LINGO2: variants seen among roughly 807,000 people sequenced by gnomAD.
The protein encoded by LINGO2 is leucine rich repeat and Ig domain containing 2.
Under a neutral mutation model 30.6 loss-of-function variants are expected in LINGO2, and 14 were observed. The ratio of observed to expected loss-of-function variants is 0.46; its 90% CI spans 0.30 to 0.72. The LOEUF (loss-of-function observed/expected upper bound fraction) is 0.72, where lower values mean the gene tolerates loss of function less well. Ranked by LOEUF, LINGO2 falls within the 30% of genes least tolerant of loss-of-function variation. The pLI, the probability that LINGO2 is intolerant of heterozygous loss-of-function variation, is 0.07. For missense variants in LINGO2, 729 were observed against 751.7 expected (o/e 0.97, Z 0.35); for synonymous variants, 317 against 288.5 (o/e 1.10, Z -1.00).
At chr9:29,112,221 T>TG in the LINGO2 span, among the ~76,000 whole-genome samples, 35,658 of 151,872 alleles carry the variant, frequency 0.23, 4,314 homozygotes, top group East Asian at 0.4. Flanking sequence ...TCAGAGCAAT[T>TG]AAGAAGCTTG....
the LINGO2 span, among the ~76,000 whole-genome samples, chr9:28,886,037 A>G: frequency 1.3e-5 from 2 of 152,218 alleles, no homozygotes; most frequent in Non-Finnish European, 2.9e-5. Flanking sequence ...TATGGTGGGC[A>G]AATAAAAAAC....
intron 4 of LINGO2, among the ~76,000 whole-genome samples, chr9:28,259,170 C>G (rs949703304): frequency 6.6e-6 from 1 of 151,886 alleles, no homozygotes; most frequent in Non-Finnish European, 1.5e-5. Flanking sequence ...ACACCAGAGT[C>G]CTGACTCAGT....
intron 2 of LINGO2, among the ~76,000 whole-genome samples, chr9:28,389,351 T>C (rs879389546): frequency 6.6e-6 from 1 of 152,174 alleles, no homozygotes. Context: ...TCTTCAAATA[T>C]TATTACTTTA....
the LINGO2 span, among the ~76,000 whole-genome samples, chr9:28,933,874 G>A: frequency 1.3e-5 from 2 of 152,046 alleles, no homozygotes; most frequent in Admixed American, 1.3e-4. Context: ...AAAAACTTTT[G>A]GCTTTCTTTA....
chr9:28,761,578 T>C, the LINGO2 span, among the ~76,000 whole-genome samples: 9 of 151,896 alleles, frequency 5.9e-5, no homozygotes, highest in African/African-American at 2.2e-4. Context: ...CATCTTTTGA[T>C]AGTCTGAAGA....
the LINGO2 span, among the ~76,000 whole-genome samples, chr9:28,803,866 A>G: frequency 2.6e-5 from 4 of 152,094 alleles, no homozygotes; most frequent in Non-Finnish European, 5.9e-5. Flanking sequence ...TCATGATGCT[A>G]CCTTTAAATA....
chr9:27,939,505 A>C, the LINGO2 span: 1 of 152,236 alleles, frequency 6.6e-6, no homozygotes, highest in African/African-American at 2.4e-5. Context: ...AAGGTGGTGG[A>C]GGTGACTTGG....
chr9:29,119,076 G>C, the LINGO2 span, among the ~76,000 whole-genome samples: 2 of 152,112 alleles, frequency 1.3e-5, no homozygotes, highest in Non-Finnish European at 2.9e-5. Flanking sequence ...GAAGCAACCT[G>C]TGACCTAGTA....
the LINGO2 span, among the ~76,000 whole-genome samples, chr9:28,730,234 T>C: frequency 6.6e-6 from 1 of 151,976 alleles, no homozygotes; most frequent in Non-Finnish European, 1.5e-5. Context: ...CAAGGATGAC[T>C]AGGAAAAGAG....
chr9:28,145,681 T>C (rs1243243918), intron 4 of LINGO2, among the ~76,000 whole-genome samples: 29 of 151,814 alleles, frequency 1.9e-4, no homozygotes, highest in Admixed American at 1.9e-3. Flanking sequence ...TCCTTCTCCC[T>C]CTCTCTCTCA....
At chr9:28,601,078 C>A (rs982382578) in intron 1 of LINGO2, among the ~76,000 whole-genome samples, 5 of 152,044 alleles carry the variant, frequency 3.3e-5, no homozygotes, top group African/African-American at 1.2e-4. Flanking sequence ...ATAAAGTTTT[C>A]TCCGTGACAC....
At chr9:28,649,796 G>T (rs7855261) in intron 1 of LINGO2, among the ~76,000 whole-genome samples, 57,181 of 151,728 alleles carry the variant, frequency 0.38, 12,052 homozygotes, top group African/African-American at 0.55. Flanking sequence ...AATACAAGAA[G>T]GGGTTGTACT....
At chr9:27,995,459 G>A (rs1450888894) in intron 5 of LINGO2, among the ~76,000 whole-genome samples, 1 of 152,134 alleles carries the variant, frequency 6.6e-6, no homozygotes, top group Non-Finnish European at 1.5e-5. Flanking sequence ...TATCCTTAAT[G>A]AACACAGATG....
At chr9:28,215,081 G>A (rs1820718285) in intron 4 of LINGO2, among the ~76,000 whole-genome samples, 1 of 151,626 alleles carries the variant, frequency 6.6e-6, no homozygotes, top group African/African-American at 2.4e-5. Context: ...CCATAAACAA[G>A]GCAGGGATAT....
intron 2 of LINGO2, among the ~76,000 whole-genome samples, chr9:28,411,416 C>G (rs145703286): frequency 6.6e-6 from 1 of 152,154 alleles, no homozygotes; most frequent in Non-Finnish European, 1.5e-5. Flanking sequence ...GTATCATGTA[C>G]ATTCATATAG....
intron 1 of LINGO2, among the ~76,000 whole-genome samples, chr9:28,634,575 T>A (rs1827167143): frequency 6.8e-6 from 1 of 147,218 alleles, no homozygotes; most frequent in East Asian, 2.0e-4. Flanking sequence ...AACCACCGCC[T>A]TCCGAGTTCA....
At chr9:28,134,171 T>C (rs181838139) in intron 4 of LINGO2, among the ~76,000 whole-genome samples, 1 of 152,324 alleles carries the variant, frequency 6.6e-6, no homozygotes, top group East Asian at 1.9e-4. Context: ...CATGGACTAC[T>C]GAAGTTGCTC....
chr9:28,522,472 G>C (rs59918833), intron 1 of LINGO2, among the ~76,000 whole-genome samples: 1 of 152,086 alleles, frequency 6.6e-6, no homozygotes, highest in South Asian at 2.1e-4. Context: ...GGCAAATAAA[G>C]TATGATTGTA....
At chr9:28,349,089 C>T (rs1478055489) in intron 3 of LINGO2, among the ~76,000 whole-genome samples, 33 of 150,426 alleles carry the variant, frequency 2.2e-4, no homozygotes, top group African/African-American at 6.3e-4. Flanking sequence ...AAAAGCAGAG[C>T]GCCTCTCCTC....
Sources: gnomAD v4.1 joint callset for allele counts (sites outside exome capture counted in the v4.1 genomes callset) on GRCh38, gnomAD v4.1.1 for gene constraint, MANE v1.5 for transcripts, NCBI Gene and HGNC (gene_info 2026-07-23, HGNC 2026-07-21) for gene names.